Variants in SLC22A5 observed in about 807,000 individuals in gnomAD.
SLC22A5 encodes solute carrier family 22 member 5.
In SLC22A5, 44 loss-of-function variants were observed where a neutral mutation model predicts 56.7. That is an observed-to-expected ratio of 0.78 (90% CI 0.61 to 1.00). The LOEUF (loss-of-function observed/expected upper bound fraction) is 1.00. Among genes scored for constraint, SLC22A5 ranks in the 50% least tolerant of loss-of-function variants. The pLI is 0.00. For missense variants in SLC22A5, 675 were observed against 723.0 expected (o/e 0.93, Z 0.76); for synonymous variants, 278 against 292.1 (o/e 0.95, Z 0.49).
chr5:132,378,218 C>G lies in SLC22A5; in HGVS notation c.394-160C>G, dbSNP rs537862985. 4.3e-6 allele frequency: 7 copies of G among 1,613,630 alleles called. No individual in the cohort carries two copies. In the Admixed American group the frequency reaches 8.3e-5, roughly 19 times the overall value. The stretch of plus-strand genomic sequence containing the variant: ...AAACAGGATGGGAAAGAAGCCTGCT[C>G]TCTGCCTTCCTGCCCAGGTGAGCCA... On this transcript the variant is annotated intron_variant, in intron 1 of 9. Transcript: ENST00000245407.
At position 132,387,072 on chromosome 5, in the gene SLC22A5, A is replaced by G. The variant is rs2126786042; in HGVS notation, c.872A>G (p.Glu291Gly). 1.2e-6 allele frequency: 2 copies of G among 1,614,066 alleles called. No homozygotes were observed. Among genetic ancestry groups the G allele is most frequent in the Non-Finnish European group, 1.7e-6 (2 of 1,179,976 alleles). Residue 291 changes from glutamate to glycine, a missense_variant, in exon 5 of 10, where the codon GAA becomes GGA. Transcript: ENST00000245407. Reference protein sequence around the residue: ...PRWLISQGRFEEAEVIIRKAA... With the variant: ...PRWLISQGRFGEAEVIIRKAA... The stretch of plus-strand genomic sequence containing the variant: ...TGGCTCATCTCTCAGGGACGATTTG[A>G]AGAGGCAGAGGTGATCATCCGCAAG...
intron 3 of SLC22A5, among the ~76,000 whole-genome samples, chr5:132,384,628 T>C (rs1475131706): frequency 6.6e-6 from 1 of 152,206 alleles, no homozygotes; most frequent in African/African-American, 2.4e-5. Context: ...GGCCTGCCAC[T>C]GCACAGGGCT....
chr5:132,378,474 T>A lies in SLC22A5; in HGVS notation c.490T>A (p.Ser164Thr). The change falls in exon 2 of 10, where the codon TCA becomes ACA. Residue 164 changes from serine to threonine, a missense_variant. Physicochemically the swap from Ser to Thr is moderately conservative, Grantham distance 58 (BLOSUM62 1). Coordinates refer to ENST00000245407, the MANE Select transcript of SLC22A5 (RefSeq NM_003060.4). ...LLGSFISGQL[S>T]DRFGRKNVLF... The stretch of plus-strand genomic sequence containing the variant: ...GGGCTCCTTCATTTCAGGGCAGCTG[T>A]CAGACAGGTAAGGTGTCTGTCTTCT... The A allele has an allele frequency of 6.2e-7, 1 of 1,613,312 alleles. No individual in the cohort carries two copies. Among genetic ancestry groups the A allele is most frequent in the Non-Finnish European group, 8.5e-7 (1 of 1,179,196 alleles).
chr5:132,370,808 A>T lies in SLC22A5; in HGVS notation c.393+443A>T, dbSNP rs1751886204. On this transcript the variant is annotated intron_variant, in intron 1 of 9. Coordinates refer to ENST00000245407, the MANE Select transcript of SLC22A5 (RefSeq NM_003060.4). Reference sequence around the variant, plus strand: ...AAATACTTCTCTTTCCTGAACTTTTAAAAGTTAAATAAAGCATGTGTATAC... The same window carrying T: ...AAATACTTCTCTTTCCTGAACTTTTTAAAGTTAAATAAAGCATGTGTATAC... Among the ~76,000 whole-genome samples the T allele has an allele frequency of 3.3e-5, 5 of 152,258 alleles. No individual in the cohort carries two copies. The South Asian group carries it at 1.0e-3, about 32-fold the overall frequency.
Position 132,370,028 on chromosome 5 carries a change from G to A in SLC22A5, c.56G>A (p.Arg19His), listed in dbSNP as rs72552723. 10 of 1,613,398 alleles carry A rather than the reference G, an allele frequency of 6.2e-6. No homozygotes were observed. Among genetic ancestry groups the A allele is most frequent in the Non-Finnish European group, 8.5e-6 (10 of 1,179,718 alleles). Residue 19 changes from arginine to histidine, a missense_variant, in exon 1 of 10, where the codon CGC becomes CAC. Coordinates refer to ENST00000245407, the MANE Select transcript of SLC22A5 (RefSeq NM_003060.4). ...CTGGGCGAGTGGGGGCCCTTCCAGC[G>A]CCTCATCTTCTTCCTGCTCAGCGCC... ...AFLGEWGPFQRLIFFLLSASI... is the reference protein window; with the variant it reads ...AFLGEWGPFQHLIFFLLSASI...
In SLC22A5 at chr5:132,394,311, T is replaced by A; in HGVS notation, c.*39T>A. 2.1e-6 allele frequency: 3 copies of A among 1,454,548 alleles called. No homozygotes were observed. The highest frequency in any genetic ancestry group is 2.9e-6 in the Non-Finnish European group (3 of 1,034,538). 90.1% of individuals were successfully genotyped at this position (1,454,548 alleles called of 1,614,324 possible). On this transcript the variant is annotated 3_prime_UTR_variant, in exon 10 of 10. Coordinates refer to ENST00000245407, the MANE Select transcript of SLC22A5 (RefSeq NM_003060.4). ...AAGGGAGAAACTGAAGAGGAAAGACTGTCTTGCCAGAAATGGCCAGCTTGT... is the reference window on the plus strand; with the variant it reads ...AAGGGAGAAACTGAAGAGGAAAGACAGTCTTGCCAGAAATGGCCAGCTTGT...
Position 132,394,456 on chromosome 5 carries a change from C to T in SLC22A5, c.*184C>T. 1 of 636,824 alleles carries T rather than the reference C, an allele frequency of 1.6e-6. No individual in the cohort carries two copies. The highest frequency in any genetic ancestry group is 2.8e-6 in the Non-Finnish European group (1 of 353,318). The allele number at this position is 636,824 out of a possible 1,614,324, so 39.4% of individuals were successfully genotyped here. On this transcript the variant is annotated 3_prime_UTR_variant, in exon 10 of 10. Coordinates refer to ENST00000245407, the MANE Select transcript of SLC22A5 (RefSeq NM_003060.4). ...GCTACATATGGCCCTAGAGCACCAC[C>T]TTCCTCTAGGGACACTGGGGCTACC...
chr5:132,389,417 C>T, intron 6 of SLC22A5: 1 of 314,754 alleles, frequency 3.2e-6, no homozygotes, highest in Non-Finnish European at 6.2e-6. Flanking sequence ...GCAGAGGCTG[C>T]CAGTTACTTT....
At chr5:132,383,653 A>G in intron 2 of SLC22A5, 1 of 197,802 alleles carries the variant, frequency 5.1e-6, no homozygotes, top group East Asian at 1.3e-4. Flanking sequence ...TTCTAATTTT[A>G]TTACCTTTTC....
intron 1 of SLC22A5, chr5:132,376,447 A>C (rs1212353163): frequency 2.0e-5 from 3 of 152,170 alleles, no homozygotes; most frequent in Non-Finnish European, 4.4e-5. Flanking sequence ...CAAAATGAGC[A>C]CTATAGTCAC....
intron 4 of SLC22A5, among the ~76,000 whole-genome samples, chr5:132,386,409 CT>C (rs1302337534): frequency 1.6e-4 from 24 of 151,774 alleles, no homozygotes; most frequent in Non-Finnish European, 2.9e-4. Context: ...TTTTGTATTT[CT>C]TTGGAGAGAC....
intron 3 of SLC22A5, 22 bp from the exon 4 acceptor site, chr5:132,385,306 C>T (rs760834303): frequency 1.4e-5 from 22 of 1,610,512 alleles, no homozygotes; most frequent in Non-Finnish European, 1.8e-5. Context: ...ACTGCTAACT[C>T]GACCTCCCTT....
chr5:132,370,283 A>G lies in SLC22A5; in HGVS notation c.311A>G (p.Asp104Gly). ...ALGLEPGRDV[D>G]LGQLEQESCL... ...GGGCTGGAGCCGGGGCGCGACGTGG[A>G]CCTGGGGCAGCTGGAGCAGGAGAGC... The change falls in exon 1 of 10, where the codon GAC becomes GGC. Residue 104 changes from aspartate (D) to glycine (G), a missense_variant. Physicochemically the swap from Asp to Gly is moderately conservative, Grantham distance 94. Transcript: ENST00000245407. 1.2e-6 allele frequency: 2 copies of G among 1,605,566 alleles called. No homozygotes were observed. The highest frequency in any genetic ancestry group is 3.4e-5 in the Admixed American group (2 of 58,840).
Position 132,394,705 on chromosome 5 carries a change from AG to A in SLC22A5, c.*435del, listed in dbSNP as rs930034378. 4 of 186,500 alleles carry A rather than the reference AG, an allele frequency of 2.1e-5. No individual in the cohort carries two copies. Among genetic ancestry groups the A allele is most frequent in the African/African-American group, 9.5e-5 (4 of 42,144 alleles). 11.6% of individuals were successfully genotyped at this position (186,500 alleles called of 1,614,324 possible). On this transcript the variant is annotated 3_prime_UTR_variant, in exon 10 of 10. Transcript: ENST00000245407. The stretch of plus-strand genomic sequence containing the variant: ...CTCTAGTGGTGAACTTTAGAGGAAA[AG>A]GAAGTAATTGCACAAGGAGTTTGAT...
chr5:132,388,037 A>G (rs1488977392), intron 5 of SLC22A5, among the ~76,000 whole-genome samples: 1 of 152,198 alleles, frequency 6.6e-6, no homozygotes, highest in African/African-American at 2.4e-5. Context: ...GCGGAGGCCA[A>G]TGGCCACTGC....
At chr5:132,372,060 G>T (rs1751955633) in intron 1 of SLC22A5, among the ~76,000 whole-genome samples, 1 of 152,222 alleles carries the variant, frequency 6.6e-6, no homozygotes. Flanking sequence ...TGTAGTGGGA[G>T]TGTGACCGGA....
At chr5:132,377,823 C>T in intron 1 of SLC22A5, 1 of 293,902 alleles carries the variant, frequency 3.4e-6, no homozygotes, top group Non-Finnish European at 6.4e-6. Context: ...TGTGCAGCAT[C>T]AGGGATTCCA....
At chr5:132,384,009 CTG>C (rs1234880291) in intron 2 of SLC22A5, 136 bp from the exon 3 acceptor site, 3 of 847,648 alleles carry the variant, frequency 3.5e-6, no homozygotes, top group Non-Finnish European at 6.0e-6. Flanking sequence ...GAGACCGAGA[CTG>C]TCCCTGGCAG....
chr5:132,386,477 G>A (rs546498244), intron 4 of SLC22A5, among the ~76,000 whole-genome samples: 55 of 152,106 alleles, frequency 3.6e-4, no homozygotes, highest in Admixed American at 9.8e-4. Context: ...ATGATCCACC[G>A]GCCTTGGCCT....
Sources: allele counts gnomAD v4.1 joint callset (sites outside exome capture counted in the v4.1 genomes callset), GRCh38; gene constraint gnomAD v4.1.1; transcripts MANE v1.5; gene names NCBI Gene and HGNC (gene_info 2026-07-23, HGNC 2026-07-21).